ARID1B: variants seen among roughly 807,000 people sequenced by gnomAD.
The protein encoded by ARID1B is AT-rich interaction domain 1B, also known as AT-rich interactive domain-containing protein 1B.
A neutral mutation model predicts 212.3 loss-of-function variants in ARID1B; 30 were observed. The ratio of observed to expected loss-of-function variants is 0.14; its 90% CI spans 0.11 to 0.19. ARID1B has a LOEUF of 0.19. Among genes scored for constraint, ARID1B ranks in the 10% least tolerant of loss-of-function variants. The probability of loss-of-function intolerance (pLI) is 1.00; values close to 1 mark genes in which losing one functional copy is unlikely to be tolerated. For synonymous variants in ARID1B, 1,402 were observed against 1,301.7 expected (o/e 1.08, Z -1.66); for missense variants, 2,891 against 3,204.0 (o/e 0.90, Z 2.36).
rs1780049823 is a variant in ARID1B, at chr6:157,018,612, C to T, written c.2248-66050C>T. ...GAGACCTTCAGGTCTCAGCCTTACTCTTCGTTTACTAATCTGAAGTTTTGG... is the reference window on the plus strand; with the variant it reads ...GAGACCTTCAGGTCTCAGCCTTACTTTTCGTTTACTAATCTGAAGTTTTGG... On this transcript the variant is annotated intron_variant, in intron 4 of 19. Coordinates refer to ENST00000636930, the MANE Select transcript of ARID1B (RefSeq NM_001374828.1). Among the ~76,000 whole-genome samples the T allele has an allele frequency of 2.6e-5, 4 of 152,310 alleles. No homozygotes were observed. The South Asian group carries it at 8.3e-4, about 32-fold the overall frequency.
rs2128290978 is a variant in ARID1B, at chr6:157,167,154, C to T, written c.3204C>T (p.Ser1068=). Residue 1068 remains serine (S), a synonymous_variant, in exon 9 of 20, where the codon AGC becomes AGT. Coordinates refer to ENST00000636930, the MANE Select transcript of ARID1B (RefSeq NM_001374828.1). The stretch of plus-strand genomic sequence containing the variant: ...TGAACACGCAGGCGCCGCCCTACAG[C>T]ATGGCGCCCGCCATGGTGAACAGCT... The part of the protein sequence containing the change: ...SLMNTQAPPY[S]MAPAMVNSSA... The T allele has an allele frequency of 1.9e-6, 3 of 1,609,668 alleles. No homozygotes were observed. The highest frequency in any genetic ancestry group is 2.5e-6 in the Non-Finnish European group (3 of 1,179,956).
At chr6:156,967,231 C>A (rs541960801) in intron 4 of ARID1B, among the ~76,000 whole-genome samples, 33 of 152,294 alleles carry the variant, frequency 2.2e-4, no homozygotes, top group Non-Finnish European at 3.8e-4. Context: ...TTGGAAGATA[C>A]GTGTTGCTGA....
chr6:156,856,698 TCTCACACACACACACA>T (rs1400595049), intron 2 of ARID1B, among the ~76,000 whole-genome samples: 85 of 85,682 alleles, frequency 9.9e-4, no homozygotes, highest in African/African-American at 1.8e-3. Context: ...TCTCTCTCTC[TCTCACACACACACACA>T]CACACACACA....
intron 1 of ARID1B, among the ~76,000 whole-genome samples, chr6:156,781,003 A>G (rs1163575700): frequency 6.6e-6 from 1 of 152,190 alleles, no homozygotes; most frequent in Non-Finnish European, 1.5e-5. Flanking sequence ...TTTTTTTAAG[A>G]TTTTGATAGG....
chr6:157,097,625 CAA>C (rs1185833500), intron 5 of ARID1B, among the ~76,000 whole-genome samples: 4 of 152,226 alleles, frequency 2.6e-5, no homozygotes, highest in Admixed American at 6.5e-5. Flanking sequence ...AAATTTGTGA[CAA>C]GAGAGGGTGG....
chr6:156,856,604 A>G (rs1784946722), intron 2 of ARID1B, among the ~76,000 whole-genome samples: 1 of 151,920 alleles, frequency 6.6e-6, no homozygotes, highest in African/African-American at 2.4e-5. Flanking sequence ...ACACTTGTGT[A>G]TCCACATGTG....
intron 4 of ARID1B, among the ~76,000 whole-genome samples, chr6:156,996,035 A>T (rs1456847954): frequency 6.6e-6 from 1 of 151,428 alleles, no homozygotes; most frequent in Admixed American, 6.7e-5. Flanking sequence ...AGCTCCCCTA[A>T]ATCTTTAAAC....
chr6:156,938,399 G>A (rs1210763817), intron 4 of ARID1B: 2 of 152,140 alleles, frequency 1.3e-5, no homozygotes, highest in African/African-American at 2.4e-5. Context: ...TGGATCCTTT[G>A]TAGATTTACT....
intron 19 of ARID1B, chr6:157,204,221 G>T (rs140240019): frequency 5.8e-4 from 282 of 483,666 alleles, no homozygotes; most frequent in African/African-American, 4.8e-3. Flanking sequence ...TCTTATGAGA[G>T]AACAGTGACT....
Position 156,927,375 on chromosome 6 carries a change from A to G in ARID1B, c.2137-8091A>G, listed in dbSNP as rs192753114. Among the ~76,000 whole-genome samples, 52 of 152,288 alleles carry G rather than the reference A, an allele frequency of 3.4e-4. No homozygotes were observed. The East Asian group carries it at 8.3e-3, about 24-fold the overall frequency. On this transcript the variant is annotated intron_variant, in intron 3 of 19. Transcript: ENST00000636930. Reference sequence around the variant, plus strand: ...TTTCCTGATTGATTTGCAATGGTTTAACATGTTGCTTGGACCTTTTTATTT... The same window carrying G: ...TTTCCTGATTGATTTGCAATGGTTTGACATGTTGCTTGGACCTTTTTATTT...
chr6:156,978,694 C>T (rs561544559), intron 4 of ARID1B, among the ~76,000 whole-genome samples: 4 of 152,278 alleles, frequency 2.6e-5, no homozygotes, highest in Non-Finnish European at 5.9e-5. Flanking sequence ...CTTAAAATCT[C>T]ATTTAGTTTC....
rs34274512 is a variant in ARID1B, at chr6:156,860,339, C to CTT, written c.1986+30928_1986+30929dup. 1.3e-3 allele frequency among the ~76,000 whole-genome samples: 185 copies of CTT among 146,804 alleles called. 1 individual carries two copies. The highest frequency in any genetic ancestry group is 3.5e-3 in the Middle Eastern group (1 of 284). On this transcript the variant is annotated intron_variant, in intron 2 of 19. Transcript: ENST00000636930. ...ACATAACTTATTTTTTCAGTGTCTT[C>CTT]TTTTTTTTTTTCTTAAAAATTGATC... is the stretch of plus-strand genomic sequence containing the variant.
chr6:157,147,224 CT>C (rs1407658557), intron 7 of ARID1B, among the ~76,000 whole-genome samples: 3 of 166 alleles, frequency 0.018, 1 homozygote, highest in African/African-American at 0.071. Flanking sequence ...CCCTCCGTCC[CT>C]CACCTCCGAC....
Position 157,210,033 on chromosome 6 carries a change from A to C in ARID1B, c.*2142A>C, listed in dbSNP as rs937886431. ...CATTACTCACAGTAATATATGGAAG[A>C]GTTAGACAAGAACATGCAGTTACAG... is the stretch of plus-strand genomic sequence containing the variant. On this transcript the variant is annotated 3_prime_UTR_variant, in exon 20 of 20. Transcript: ENST00000636930. The C allele has an allele frequency of 8.6e-6, 2 of 233,094 alleles. No individual in the cohort carries two copies. The highest frequency in any genetic ancestry group is 5.6e-5 in the Admixed American group (1 of 17,790). The allele number at this position is 233,094 out of a possible 1,614,324, so 14.4% of individuals were successfully genotyped here. A position where few individuals can be genotyped will look rare whatever the true frequency, so the allele number is the denominator to read the frequency against.
intron 1 of ARID1B, among the ~76,000 whole-genome samples, chr6:156,799,012 TA>T (rs1363075891): frequency 2.6e-5 from 4 of 152,218 alleles, no homozygotes; most frequent in African/African-American, 9.7e-5. Flanking sequence ...GTGTATTTCC[TA>T]CCATATATTT....
intron 1 of ARID1B, among the ~76,000 whole-genome samples, chr6:156,792,168 C>T (rs1280374485): frequency 1.3e-5 from 2 of 152,192 alleles, no homozygotes; most frequent in Non-Finnish European, 2.9e-5. Context: ...AAGTCTTTCT[C>T]TAAACCTACA....
intron 1 of ARID1B, among the ~76,000 whole-genome samples, chr6:156,823,968 TG>T (rs1306580150): frequency 6.6e-6 from 1 of 152,194 alleles, no homozygotes; most frequent in Non-Finnish European, 1.5e-5. Context: ...TGGATCATCT[TG>T]AAAAGGACAG....
chr6:156,901,446 A>G lies in ARID1B; in HGVS notation c.2057A>G (p.Gln686Arg). The change falls in exon 3 of 20, where the codon CAG (glutamine) becomes CGG (arginine). Residue 686 changes from glutamine to arginine, a missense_variant. Gln to Arg is a conservative substitution (Grantham distance 43). Transcript: ENST00000636930. ...CQQGQQPYYS[Q>R]QPQPPHLPPQ... Reference sequence around the variant, plus strand: ...CAGGGCCAACAGCCATATTACAGCCAGCAGCCGCAGCCCCCGCACCTCCCA... The same window carrying G: ...CAGGGCCAACAGCCATATTACAGCCGGCAGCCGCAGCCCCCGCACCTCCCA... 4 of 1,614,184 alleles carry G rather than the reference A, an allele frequency of 2.5e-6. No individual in the cohort carries two copies. The highest frequency in any genetic ancestry group is 3.4e-6 in the Non-Finnish European group (4 of 1,180,052).
At chr6:157,179,324 G>A (rs998926603) in intron 11 of ARID1B, among the ~76,000 whole-genome samples, 13 of 152,254 alleles carry the variant, frequency 8.5e-5, no homozygotes, top group East Asian at 3.9e-4. Context: ...GGTGCTGCCC[G>A]GATGAGAGTC....
Sources: gnomAD v4.1 joint callset for allele counts (sites outside exome capture counted in the v4.1 genomes callset) on GRCh38, gnomAD v4.1.1 for gene constraint, MANE v1.5 for transcripts, NCBI Gene and HGNC (gene_info 2026-07-23, HGNC 2026-07-21) for gene names.